The following CYB5R4 variants were observed in gnomAD, a reference collection of about 807,000 sequenced individuals.
CYB5R4 encodes the protein N-terminal cytochrome b5 and cytochrome b5 oxidoreductase domain-containing protein.
Under a neutral mutation model 70.2 loss-of-function variants are expected in CYB5R4, and 55 were observed. That is an observed-to-expected ratio of 0.78 (90% CI 0.63 to 0.98). The LOEUF is 0.98. Among genes scored for constraint, CYB5R4 ranks in the 50% least tolerant of loss-of-function variants. The probability of loss-of-function intolerance (pLI) is 0.00; values close to 1 mark genes in which losing one functional copy is unlikely to be tolerated. For missense variants in CYB5R4, 562 were observed against 612.6 expected, an observed-to-expected ratio of 0.92 and a Z score of 0.87; for synonymous variants, 197 against 199.5, an observed-to-expected ratio of 0.99 and a Z score of 0.11.
At chr6:83,919,312 T>A in intron 6 of CYB5R4, 85 bp from the exon 7 acceptor site, 4 of 762,166 alleles carry the variant, frequency 5.2e-6, no homozygotes, top group Non-Finnish European at 8.3e-6. Flanking sequence ...TGTCTCATTA[T>A]AAATTTTAAA....
intron 3 of CYB5R4, among the ~76,000 whole-genome samples, 197 bp from the exon 4 acceptor site, chr6:83,908,812 C>CTT (rs962756934): frequency 2.6e-5 from 4 of 152,222 alleles, no homozygotes; most frequent in African/African-American, 9.6e-5. Context: ...GGTCCCAACA[C>CTT]TTTGAGAATA....
intron 12 of CYB5R4, among the ~76,000 whole-genome samples, chr6:83,936,741 T>C (rs2099468975): frequency 6.6e-6 from 1 of 152,206 alleles, no homozygotes. Flanking sequence ...TTGGCTTCTG[T>C]TTCCTTACAA....
intron 5 of CYB5R4, among the ~76,000 whole-genome samples, chr6:83,915,302 C>T (rs1408933): frequency 0.16 from 24,479 of 152,158 alleles, 3,877 homozygotes; most frequent in African/African-American, 0.4. Flanking sequence ...AAGCAAGTTA[C>T]AGAAATGCAA....
intron 10 of CYB5R4, chr6:83,929,480 T>C (rs1195269109): frequency 6.6e-6 from 1 of 152,200 alleles, no homozygotes; most frequent in Non-Finnish European, 1.5e-5. Context: ...AGAGAAACTT[T>C]CATTTTTTAC....
rs148851927 is a variant in CYB5R4, at chr6:83,919,429, C to T, written c.539C>T (p.Thr180Ile). 440 of 1,517,780 alleles carry T rather than the reference C, an allele frequency of 2.9e-4. No individual in the cohort carries two copies. In the African/African-American group the frequency reaches 5.7e-3, roughly 20 times the overall value. The allele number at this position is 1,517,780 out of a possible 1,614,324, so 94.0% of individuals were successfully genotyped here. Reference sequence around the variant, plus strand: ...TGGTTCCAAACAGACTCTTTAGTCACCATTGCCATATATACTAAACAGAAG... The same window carrying T: ...TGGTTCCAAACAGACTCTTTAGTCATCATTGCCATATATACTAAACAGAAG... ...YDWFQTDSLV[T>I]IAIYTKQKDI... is the part of the protein sequence containing the mutation. Residue 180 changes from threonine (T) to isoleucine (I), a missense_variant, in exon 7 of 16, where the codon ACC becomes ATC. Transcript: ENST00000369681.
intron 2 of CYB5R4, among the ~76,000 whole-genome samples, chr6:83,877,137 C>A (rs2099458686): frequency 6.6e-6 from 1 of 152,118 alleles, no homozygotes; most frequent in Admixed American, 6.5e-5. Context: ...GCCCTTTTAA[C>A]ATTTTTTTAT....
chr6:83,930,023 A>G (rs1352030997), intron 10 of CYB5R4, among the ~76,000 whole-genome samples: 2 of 152,322 alleles, frequency 1.3e-5, no homozygotes, highest in East Asian at 3.9e-4. Context: ...TTATATTTAC[A>G]TTATACTTTA....
intron 3 of CYB5R4, among the ~76,000 whole-genome samples, chr6:83,897,980 T>C (rs1263203123): frequency 6.6e-6 from 1 of 152,230 alleles, no homozygotes; most frequent in African/African-American, 2.4e-5. Context: ...GCCTATGTCC[T>C]GAATGGTATT....
intron 1 of CYB5R4, 88 bp downstream of exon 1, chr6:83,859,945 C>T (rs2099455677): frequency 8.1e-7 from 1 of 1,233,184 alleles, no homozygotes; most frequent in Non-Finnish European, 1.1e-6. Flanking sequence ...CTCCCAGCTC[C>T]TGCACCCCTC....
intron 14 of CYB5R4, among the ~76,000 whole-genome samples, chr6:83,948,567 G>A (rs1348761572): frequency 6.6e-6 from 1 of 152,080 alleles, no homozygotes; most frequent in African/African-American, 2.4e-5. Context: ...TTTTAGAAAA[G>A]TATTTCTGAT....
chr6:83,958,769 A>G (rs1324973965), intron 15 of CYB5R4, among the ~76,000 whole-genome samples: 1 of 152,130 alleles, frequency 6.6e-6, no homozygotes. Context: ...GCATCTTACA[A>G]TCATTTGCTG....
At chr6:83,925,530 C>G (rs1207413074) in intron 10 of CYB5R4, among the ~76,000 whole-genome samples, 3 of 152,050 alleles carry the variant, frequency 2.0e-5, no homozygotes, top group Non-Finnish European at 2.9e-5. Context: ...ATTAGAAGTG[C>G]TCTACTTGAT....
chr6:83,899,832 T>C (rs930808050), intron 3 of CYB5R4, among the ~76,000 whole-genome samples: 10 of 152,190 alleles, frequency 6.6e-5, no homozygotes. Context: ...CATTTTTTAT[T>C]GCATCTATTT....
intron 2 of CYB5R4, among the ~76,000 whole-genome samples, chr6:83,885,997 T>G (rs1316973843): frequency 6.6e-6 from 1 of 152,220 alleles, no homozygotes; most frequent in Non-Finnish European, 1.5e-5. Context: ...CATTTTCTGC[T>G]GCTTATAACG....
chr6:83,925,740 T>C lies in CYB5R4; in HGVS notation c.814+1148T>C, dbSNP rs534058991. On this transcript the variant is annotated intron_variant, in intron 10 of 15. Coordinates refer to ENST00000369681, the MANE Select transcript of CYB5R4 (RefSeq NM_016230.4). ...GATCTTCAGTTCTTGGAAACTATTATTGGTTTTTCTTCTCCCCATGGTCTG... is the reference window on the plus strand; with the variant it reads ...GATCTTCAGTTCTTGGAAACTATTACTGGTTTTTCTTCTCCCCATGGTCTG... 1.1e-4 allele frequency among the ~76,000 whole-genome samples: 17 copies of C among 152,310 alleles called. No homozygotes were observed. The East Asian group carries it at 2.3e-3, about 21-fold the overall frequency.
chr6:83,914,309 C>G, intron 4 of CYB5R4, 107 bp from the exon 5 acceptor site: 2 of 1,218,092 alleles, frequency 1.6e-6, no homozygotes, highest in South Asian at 3.0e-5. Flanking sequence ...TAGAAGAAAG[C>G]CCTTCAAAAA....
At chr6:83,929,820 G>A (rs2099467885) in intron 10 of CYB5R4, among the ~76,000 whole-genome samples, 1 of 151,968 alleles carries the variant, frequency 6.6e-6, no homozygotes, top group Admixed American at 6.6e-5. Context: ...TTAAAGATAT[G>A]CCAACAAATA....
chr6:83,953,211 G>A (rs115639162), intron 14 of CYB5R4, among the ~76,000 whole-genome samples: 263 of 152,026 alleles, frequency 1.7e-3, no homozygotes, highest in African/African-American at 5.8e-3. Flanking sequence ...GAAATTCTAC[G>A]GAAATATATT....
Position 83,927,435 on chromosome 6 carries a change from A to G in CYB5R4, c.814+2843A>G, listed in dbSNP as rs144163088. ...CCCCTACTTCACATGCCAGTTGCAA[A>G]TTCCAGGTTGTGATCTATCTTCTGA... On this transcript the variant is annotated intron_variant, in intron 10 of 15. Transcript: ENST00000369681. 2.5e-4 allele frequency among the ~76,000 whole-genome samples: 38 copies of G among 152,248 alleles called. No homozygotes were observed. In the East Asian group the frequency reaches 6.6e-3, roughly 26 times the overall value.
Sources: allele counts gnomAD v4.1 joint callset (sites outside exome capture counted in the v4.1 genomes callset), GRCh38; gene constraint gnomAD v4.1.1; transcripts MANE v1.5; gene names NCBI Gene and HGNC (gene_info 2026-07-23, HGNC 2026-07-21).